The following MINK1 variants were observed in gnomAD, a reference collection of about 807,000 sequenced individuals.
MINK1 encodes misshapen-like kinase 1.
Under a neutral mutation model 178.4 loss-of-function variants are expected in MINK1, and 46 were observed. The observed-to-expected ratio is 0.26, with a 90% CI of 0.20 to 0.33. MINK1 has a LOEUF of 0.33. MINK1 is among the 10% of genes least tolerant of loss of function. The probability of loss-of-function intolerance (pLI) is 1.00; values close to 1 mark genes in which losing one functional copy is unlikely to be tolerated. For synonymous variants in MINK1, 797 were observed against 709.7 expected, an observed-to-expected ratio of 1.12 and a Z score of -1.96; for missense variants, 1,366 against 1,814.9, an observed-to-expected ratio of 0.75 and a Z score of 4.49.
intron 1 of MINK1, among the ~76,000 whole-genome samples, chr17:4,851,601 C>T (rs2150808085): frequency 6.6e-6 from 1 of 152,294 alleles, no homozygotes; most frequent in African/African-American, 2.4e-5. Context: ...TCCGAGAAGC[C>T]TTCCCTTCAT....
At position 4,891,442 on chromosome 17, in the gene MINK1, GTC is replaced by G. The variant is rs763510749; in HGVS notation, c.1741-9_1741-8del. On this transcript the variant is annotated splice_polypyrimidine_tract_variant and intron_variant, in intron 15 of 31. Coordinates refer to ENST00000355280, the MANE Select transcript of MINK1 (RefSeq NM_153827.5). Reference sequence around the variant, plus strand: ...TGGAGCAGGCAGCCCACCCTCCCTGGTCTCTCCCTGCAGAGCCTGGTGGCACA... The same window carrying G: ...TGGAGCAGGCAGCCCACCCTCCCTGGTCTCCCTGCAGAGCCTGGTGGCACA... 1.3e-6 allele frequency: 2 copies of G among 1,547,486 alleles called. No individual in the cohort carries two copies. Among genetic ancestry groups the G allele is most frequent in the Non-Finnish European group, 1.8e-6 (2 of 1,141,818 alleles).
chr17:4,877,105 A>G (rs1967248745), intron 1 of MINK1, among the ~76,000 whole-genome samples: 1 of 151,258 alleles, frequency 6.6e-6, no homozygotes, highest in South Asian at 2.1e-4. Flanking sequence ...AAAAAAAAAA[A>G]GAGCCATCAT....
At position 4,889,780 on chromosome 17, in the gene MINK1, G is replaced by A. The variant is rs1968588254; in HGVS notation, c.1347+17G>A. On this transcript the variant is annotated intron_variant, in intron 13 of 31. Transcript: ENST00000355280. The stretch of plus-strand genomic sequence containing the variant: ...CGCGAGCAGGTAGAGCGCCGCACCC[G>A]CATCCCTGCCCTCCCGCCCTCCCGC... The A allele has an allele frequency of 2.7e-6, 4 of 1,507,844 alleles. No individual in the cohort carries two copies. Among genetic ancestry groups the A allele is most frequent in the Non-Finnish European group, 3.5e-6 (4 of 1,128,504 alleles). The allele number at this position is 1,507,844 out of a possible 1,614,324, so 93.4% of individuals were successfully genotyped here.
At position 4,894,006 on chromosome 17, in the gene MINK1, C is replaced by T; in HGVS notation, c.2583C>T (p.Asp861=). ...TPGGRSDGDT[D]SVSTMVVHDV... is the part of the protein sequence containing the mutation. ...CTCACAGCAGCGATGGGGATACAGA[C>T]AGCGTCAGCACCATGGTGGTCCACG... Residue 861 remains aspartate, a synonymous_variant, in exon 22 of 32, where the codon GAC becomes GAT. Transcript: ENST00000355280. This position sits in a 1 kb window ranked among gnomAD's most constrained non-coding sequence, Gnocchi z 4.1. 1.3e-6 allele frequency: 2 copies of T among 1,587,764 alleles called. No homozygotes were observed. The highest frequency in any genetic ancestry group is 2.3e-5 in the South Asian group (2 of 88,048).
chr17:4,867,689 G>C (rs1915250830), intron 1 of MINK1, among the ~76,000 whole-genome samples: 1 of 151,886 alleles, frequency 6.6e-6, no homozygotes. Context: ...TGGGAGGCTG[G>C]TAATCACAGC....
Position 4,895,995 on chromosome 17 carries a change from G to GC in MINK1, c.3365-3dup. 1.3e-6 allele frequency: 2 copies of GC among 1,587,354 alleles called. No individual in the cohort carries two copies. On this transcript the variant is annotated splice_region_variant and splice_polypyrimidine_tract_variant and intron_variant, in intron 27 of 31. Transcript: ENST00000355280. This position sits in a 1 kb window ranked among gnomAD's most constrained non-coding sequence, Gnocchi z 4.3. ...AGTCTCAGCATCCCTCTTCTCTCCC[G>GC]CCCCCAGTGAAATACGAGCGGATTA... is the stretch of plus-strand genomic sequence containing the variant.
chr17:4,888,534 A>G (rs1027784237), intron 12 of MINK1, among the ~76,000 whole-genome samples: 5 of 151,996 alleles, frequency 3.3e-5, no homozygotes, highest in African/African-American at 1.2e-4. Flanking sequence ...GCTACTTAGG[A>G]GGCTGAGGCA....
Position 4,873,974 on chromosome 17 carries a change from G to A in MINK1, c.58-4343G>A, listed in dbSNP as rs76049510. Reference sequence around the variant, plus strand: ...CCCTCTTAGCTTGTGGGAGAGGACCGAGGCCTCAAACAGTTAAATACTTGC... The same window carrying A: ...CCCTCTTAGCTTGTGGGAGAGGACCAAGGCCTCAAACAGTTAAATACTTGC... On this transcript the variant is annotated intron_variant, in intron 1 of 31. Coordinates refer to ENST00000355280, the MANE Select transcript of MINK1 (RefSeq NM_153827.5). 1.0e-3 allele frequency among the ~76,000 whole-genome samples: 154 copies of A among 152,140 alleles called. 1 individual carries two copies. The highest frequency in any genetic ancestry group is 5.8e-3 in the Admixed American group (89 of 15,238).
chr17:4,883,153 C>T (rs1175938857), intron 4 of MINK1: 1 of 150,420 alleles, frequency 6.6e-6, no homozygotes, highest in Non-Finnish European at 1.5e-5. Flanking sequence ...CCATTCTTGA[C>T]TTGCTGACCA....
chr17:4,849,417 A>G (rs777426106), intron 1 of MINK1, among the ~76,000 whole-genome samples: 5 of 152,206 alleles, frequency 3.3e-5, no homozygotes, highest in Non-Finnish European at 7.3e-5. Context: ...AAAGAGCTTT[A>G]TTGAAAGGCA....
chr17:4,892,507 C>T lies in MINK1; in HGVS notation c.2193C>T (p.Ala731=), dbSNP rs756699230. Reference sequence around the variant, plus strand: ...CTCAGCCCCCTGGCCCGCCCAACGCCTCTAGGTAATAGAGTTGTCCCCCAA... The same window carrying T: ...CTCAGCCCCCTGGCCCGCCCAACGCTTCTAGGTAATAGAGTTGTCCCCCAA... ...PPAQPPGPPN[A]SSNPDLRRSD... Residue 731 remains alanine (A), a synonymous_variant, in exon 18 of 32, where the codon GCC becomes GCT. Transcript: ENST00000355280. The T allele has an allele frequency of 2.6e-6, 4 of 1,559,678 alleles. No individual in the cohort carries two copies. The highest frequency in any genetic ancestry group is 1.4e-5 in the African/African-American group (1 of 73,450).
chr17:4,857,773 G>A (rs920052461), intron 1 of MINK1, among the ~76,000 whole-genome samples: 1 of 151,884 alleles, frequency 6.6e-6, no homozygotes, highest in African/African-American at 2.4e-5. Context: ...CAGCCAAGAT[G>A]CTCTTTCTTA....
chr17:4,867,074 A>AAATAATAATAATAATAATAATAAT (rs56934978), intron 1 of MINK1, among the ~76,000 whole-genome samples: 2,023 of 119,900 alleles, frequency 0.017, 36 homozygotes, highest in Non-Finnish European at 0.02. Context: ...ACTCGTCTCA[A>AAATAATAATAATAATAATAATAAT]AATAATAATA....
intron 21 of MINK1, 88 bp from the exon 22 acceptor site, chr17:4,893,900 A>G: frequency 8.7e-7 from 1 of 1,146,264 alleles, no homozygotes; most frequent in South Asian, 1.6e-5. Flanking sequence ...TAGAGACAAA[A>G]GCCTGGGCTC....
chr17:4,894,349 G>T lies in MINK1; in HGVS notation c.2808+38G>T, dbSNP rs1426843035. 31 of 1,598,534 alleles carry T rather than the reference G, an allele frequency of 1.9e-5. No individual in the cohort carries two copies. Among genetic ancestry groups the T allele is most frequent in the African/African-American group, 2.7e-5 (2 of 74,676 alleles). ...GAGGCAGGTCCGCCGGGAGAGAAGA[G>T]CCCTGGCGATGGGCAGGAGGTCCCG... On this transcript the variant is annotated intron_variant, in intron 23 of 31. Coordinates refer to ENST00000355280, the MANE Select transcript of MINK1 (RefSeq NM_153827.5). This position sits in a 1 kb window ranked among gnomAD's most constrained non-coding sequence, Gnocchi z 4.1.
chr17:4,886,207 C>T lies in MINK1; in HGVS notation c.773+9C>T, dbSNP rs898762331. 1.2e-6 allele frequency: 2 copies of T among 1,613,442 alleles called. No homozygotes were observed. Among genetic ancestry groups the T allele is most frequent in the African/African-American group, 1.3e-5 (1 of 74,926 alleles). ...CTCAAGTCCAAGAAGTGGTAGGTCT[C>T]TGAGAGTGTGGGCTCTGGGAAGGAA... is the stretch of plus-strand genomic sequence containing the variant. On this transcript the variant is annotated intron_variant, in intron 9 of 31. Transcript: ENST00000355280. This position sits in a 1 kb window ranked among gnomAD's most constrained non-coding sequence, Gnocchi z 6.1.
At chr17:4,878,291 A>C in intron 1 of MINK1, 26 bp from the exon 2 acceptor site, 1 of 1,533,732 alleles carries the variant, frequency 6.5e-7, no homozygotes, top group Non-Finnish European at 8.7e-7. Flanking sequence ...GTCTTGACAC[A>C]GTATTCTTCT....
intron 19 of MINK1, 43 bp from the exon 20 acceptor site, chr17:4,892,936 C>T (rs1310260771): frequency 1.3e-6 from 2 of 1,496,418 alleles, no homozygotes; most frequent in Non-Finnish European, 1.8e-6. Flanking sequence ...TGAGGCCATC[C>T]CTTGTTCAGG....
chr17:4,883,119 T>G (rs896947724), intron 4 of MINK1: 1 of 137,522 alleles, frequency 7.3e-6, no homozygotes, highest in South Asian at 2.3e-4. Flanking sequence ...AGACCCTGTC[T>G]CAAAAAAAAA....
Sources: gnomAD v4.1 joint callset for allele counts (sites outside exome capture counted in the v4.1 genomes callset) on GRCh38, gnomAD v4.1.1 for gene constraint, Gnocchi (gnomAD v3.1) non-coding constraint, MANE v1.5 for transcripts, NCBI Gene and HGNC (gene_info 2026-07-23, HGNC 2026-07-21) for gene names.